The following KLF6 variants were observed in gnomAD, a reference collection of about 807,000 sequenced individuals.
KLF6 encodes the protein Krueppel-like factor 6.
For synonymous variants in KLF6, 152 were observed against 147.9 expected (o/e 1.03, Z -0.20); for missense variants, 233 against 359.8 (o/e 0.65, Z 2.85).
rs761929862 is a variant in KLF6 at position 3,778,969 on chromosome 10, C to A, written c.*570G>T. 1.9e-6 allele frequency: 1 copy of A among 534,672 alleles called. No individual in the cohort carries two copies. Among genetic ancestry groups the A allele is most frequent in the African/African-American group, 1.9e-5 (1 of 53,826 alleles). 33.1% of individuals were successfully genotyped at this position (534,672 alleles called of 1,614,324 possible). A position where few individuals can be genotyped will look rare whatever the true frequency, so the allele number is the denominator to read the frequency against. On this transcript the variant is annotated 3_prime_UTR_variant, in exon 4 of 4. Coordinates refer to ENST00000497571, the MANE Select transcript of KLF6 (RefSeq NM_001300.6). ...AGAGGCTCTCCCTCCCCACACCACT[C>A]GCCACTCTGGGGTCCTGAGTTCCCA... is the stretch of plus-strand genomic sequence containing the variant.
chr10:3,782,310 A>G lies in KLF6; in HGVS notation c.103-96T>C. On this transcript the variant is annotated intron_variant, in intron 1 of 3. Coordinates refer to ENST00000497571, the MANE Select transcript of KLF6 (RefSeq NM_001300.6). The surrounding 1 kb of genome is among the most constrained non-coding windows in gnomAD (Gnocchi z 4.3). ...AAAAACATGCAAGAATGAAGGACAG[A>G]TAACATTGCTGCCCGGTCACTACAG... The G allele has an allele frequency of 6.0e-6, 6 of 993,538 alleles. No homozygotes were observed. The highest frequency in any genetic ancestry group is 4.0e-4 in the Middle Eastern group (2 of 4,940). The allele number at this position is 993,538 out of a possible 1,614,324, so 61.5% of individuals were successfully genotyped here. A position where few individuals can be genotyped will look rare whatever the true frequency, so the allele number is the denominator to read the frequency against.
rs1252399728 is a variant in KLF6, at chr10:3,776,035, T to C, written c.*3504A>G. ...TCTTTTATTTTCTGCCCTCCTTGAC[T>C]GAGAGTGGGCTGAGGTTGTGAGAAC... On this transcript the variant is annotated 3_prime_UTR_variant, in exon 4 of 4. Transcript: ENST00000497571. 2.0e-6 allele frequency: 1 copy of C among 502,176 alleles called. No individual in the cohort carries two copies. Among genetic ancestry groups the C allele is most frequent in the Non-Finnish European group, 4.0e-6 (1 of 252,626 alleles). The allele number at this position is 502,176 out of a possible 1,614,324, so 31.1% of individuals were successfully genotyped here.
At chr10:3,779,688 C>G in intron 3 of KLF6, 98 bp from the exon 4 acceptor site, 1 of 1,102,376 alleles carries the variant, frequency 9.1e-7, no homozygotes, top group Non-Finnish European at 1.4e-6. Context: ...CCCAGCCTAA[C>G]CCCCTGCAGG....
rs369459041 is a variant in KLF6 at position 3,777,691 on chromosome 10, G to A, written c.*1848C>T. Reference sequence around the variant, plus strand: ...ATTTTGAAATATTTCTTCACAGGCTGTGGAATTTTCTAGCTAAACATTCTA... The same window carrying A: ...ATTTTGAAATATTTCTTCACAGGCTATGGAATTTTCTAGCTAAACATTCTA... On this transcript the variant is annotated 3_prime_UTR_variant, in exon 4 of 4. Coordinates refer to ENST00000497571, the MANE Select transcript of KLF6 (RefSeq NM_001300.6). 3.4e-4 allele frequency: 153 copies of A among 450,608 alleles called. 1 individual carries two copies. Among genetic ancestry groups the A allele is most frequent in the South Asian group, 2.5e-3 (146 of 57,478 alleles). 27.9% of individuals were successfully genotyped at this position (450,608 alleles called of 1,614,324 possible). A position where few individuals can be genotyped will look rare whatever the true frequency, so the allele number is the denominator to read the frequency against.
intron 3 of KLF6, 135 bp downstream of exon 3, chr10:3,779,971 A>G: frequency 2.6e-6 from 3 of 1,168,290 alleles, no homozygotes; most frequent in Non-Finnish European, 3.7e-6. Context: ...AAAAAGTCCC[A>G]GGCTTGAAAA....
In KLF6 at chr10:3,780,240, A is replaced by G; in HGVS notation, c.677-11T>C. On this transcript the variant is annotated splice_polypyrimidine_tract_variant and intron_variant, in intron 2 of 3. Coordinates refer to ENST00000497571, the MANE Select transcript of KLF6 (RefSeq NM_001300.6). The surrounding 1 kb of genome is among the most constrained non-coding windows in gnomAD (Gnocchi z 4.6). ...TGTAAGGCTTTTCTCCTGGGGAGAG[A>G]GCACAGGACAAGCAGCCCATGACTT... 3.1e-6 allele frequency: 5 copies of G among 1,613,448 alleles called. No homozygotes were observed. The highest frequency in any genetic ancestry group is 4.2e-6 in the Non-Finnish European group (5 of 1,180,014).
At chr10:3,783,757 G>T (rs1452165234) in intron 1 of KLF6, among the ~76,000 whole-genome samples, 1 of 152,174 alleles carries the variant, frequency 6.6e-6, no homozygotes, top group African/African-American at 2.4e-5. Flanking sequence ...TCTCCATTAC[G>T]CTGATGAGCA....
chr10:3,785,130 G>C lies in KLF6; in HGVS notation c.-116C>G, dbSNP rs773979067. The C allele has an allele frequency of 1.3e-6, 2 of 1,546,510 alleles. No individual in the cohort carries two copies. Among genetic ancestry groups the C allele is most frequent in the African/African-American group, 1.4e-5 (1 of 73,384 alleles). ...AAAGTTTCATGCAAACTCCAGGCTC[G>C]CAGAGACGCCCGGCCGGACCCTCCC... On this transcript the variant is annotated 5_prime_UTR_variant, in exon 1 of 4. Transcript: ENST00000497571.
chr10:3,781,300 A>T lies in KLF6; in HGVS notation c.676+341T>A. 1 of 883,706 alleles carries T rather than the reference A, an allele frequency of 1.1e-6. No homozygotes were observed. Among genetic ancestry groups the T allele is most frequent in the Non-Finnish European group, 1.7e-6 (1 of 600,596 alleles). The allele number at this position is 883,706 out of a possible 1,614,324, so 54.7% of individuals were successfully genotyped here. A position where few individuals can be genotyped will look rare whatever the true frequency, so the allele number is the denominator to read the frequency against. Reference sequence around the variant, plus strand: ...AGGAAACCCCAGGGCCGCTCGAGGTAGCCTCGTGCGAGTGCACTGGTGAAG... The same window carrying T: ...AGGAAACCCCAGGGCCGCTCGAGGTTGCCTCGTGCGAGTGCACTGGTGAAG... On this transcript the variant is annotated intron_variant, in intron 2 of 3. Coordinates refer to ENST00000497571, the MANE Select transcript of KLF6 (RefSeq NM_001300.6). This position sits in a 1 kb window ranked among gnomAD's most constrained non-coding sequence, Gnocchi z 5.8.
Position 3,780,395 on chromosome 10 carries a change from C to T in KLF6, c.677-166G>A, listed in dbSNP as rs1832491277. 5 of 770,216 alleles carry T rather than the reference C, an allele frequency of 6.5e-6. No individual in the cohort carries two copies. Among genetic ancestry groups the T allele is most frequent in the Non-Finnish European group, 1.1e-5 (5 of 446,178 alleles). The allele number at this position is 770,216 out of a possible 1,614,324, so 47.7% of individuals were successfully genotyped here. A position where few individuals can be genotyped will look rare whatever the true frequency, so the allele number is the denominator to read the frequency against. Reference sequence around the variant, plus strand: ...CAGCCTCAGAGAGACAACAGCAGCTCTCTCCTGACCCAGTCTCAGGCCTCC... The same window carrying T: ...CAGCCTCAGAGAGACAACAGCAGCTTTCTCCTGACCCAGTCTCAGGCCTCC... On this transcript the variant is annotated intron_variant, in intron 2 of 3. Coordinates refer to ENST00000497571, the MANE Select transcript of KLF6 (RefSeq NM_001300.6). The surrounding 1 kb of genome is among the most constrained non-coding windows in gnomAD (Gnocchi z 4.6).
At chr10:3,783,554 C>T (rs186491624) in intron 1 of KLF6, among the ~76,000 whole-genome samples, 97 of 152,322 alleles carry the variant, frequency 6.4e-4, no homozygotes, top group African/African-American at 2.2e-3. Flanking sequence ...GGCTCGCACA[C>T]AGCCGGTGGG....
intron 1 of KLF6, among the ~76,000 whole-genome samples, chr10:3,783,952 A>T (rs554559942): frequency 6.6e-6 from 1 of 152,218 alleles, no homozygotes; most frequent in Non-Finnish European, 1.5e-5. Context: ...AAAAGGCAGG[A>T]GAGGACTGTG....
chr10:3,778,025 C>A lies in KLF6; in HGVS notation c.*1514G>T, dbSNP rs1564293363. ...TGTTGTGCAAGGTCTATATGAAAGT[C>A]TCAAGGTGGCAGAATTGGTCAGATT... On this transcript the variant is annotated 3_prime_UTR_variant, in exon 4 of 4. Coordinates refer to ENST00000497571, the MANE Select transcript of KLF6 (RefSeq NM_001300.6). 1 of 509,370 alleles carries A rather than the reference C, an allele frequency of 2.0e-6. No individual in the cohort carries two copies. The highest frequency in any genetic ancestry group is 3.8e-6 in the Non-Finnish European group (1 of 260,612). 31.6% of individuals were successfully genotyped at this position (509,370 alleles called of 1,614,324 possible). A position where few individuals can be genotyped will look rare whatever the true frequency, so the allele number is the denominator to read the frequency against.
At position 3,776,914 on chromosome 10, in the gene KLF6, TG is replaced by T. The variant is rs754053308; in HGVS notation, c.*2624del. 2.3e-5 allele frequency: 12 copies of T among 516,876 alleles called. No homozygotes were observed. Among genetic ancestry groups the T allele is most frequent in the South Asian group, 1.8e-4 (11 of 62,316 alleles). The allele number at this position is 516,876 out of a possible 1,614,324, so 32.0% of individuals were successfully genotyped here. ...ATGTTTCGTAAGTGAGACAAGCCAGTGCAAGTTTTTTTTTTTCCTTTTTTTT... is the reference window on the plus strand; with the variant it reads ...ATGTTTCGTAAGTGAGACAAGCCAGTCAAGTTTTTTTTTTTCCTTTTTTTT... On this transcript the variant is annotated 3_prime_UTR_variant, in exon 4 of 4. Transcript: ENST00000497571.
In KLF6 at chr10:3,780,740, GGCA is replaced by G. The variant is rs1823930372; in HGVS notation, c.677-514_677-512del. On this transcript the variant is annotated intron_variant, in intron 2 of 3. Coordinates refer to ENST00000497571, the MANE Select transcript of KLF6 (RefSeq NM_001300.6). This position sits in a 1 kb window ranked among gnomAD's most constrained non-coding sequence, Gnocchi z 4.6. ...AGGGCCCCGGAATCATTCTCTAAAT[GGCA>G]ATTGAACAACTGGGTTCACTTCATT... 4.8e-6 allele frequency: 1 copy of G among 206,418 alleles called. No individual in the cohort carries two copies. Among genetic ancestry groups the G allele is most frequent in the Admixed American group, 5.2e-5 (1 of 19,186 alleles). The allele number at this position is 206,418 out of a possible 1,614,324, so 12.8% of individuals were successfully genotyped here.
Position 3,785,162 on chromosome 10 carries a change from C to T in KLF6, c.-148G>A, listed in dbSNP as rs934206429. 8 of 1,487,160 alleles carry T rather than the reference C, an allele frequency of 5.4e-6. No homozygotes were observed. In the South Asian group the frequency reaches 6.0e-5, roughly 11 times the overall value. 92.1% of individuals were successfully genotyped at this position (1,487,160 alleles called of 1,614,324 possible). A position where few individuals can be genotyped will look rare whatever the true frequency, so the allele number is the denominator to read the frequency against. The stretch of plus-strand genomic sequence containing the variant: ...CGCCCGGCCGGACCCTCCCGCAGCC[C>T]GCAGCGCGCGGAGCCCACACAATAT... On this transcript the variant is annotated 5_prime_UTR_variant, in exon 1 of 4. Transcript: ENST00000497571.
At position 3,779,475 on chromosome 10, in the gene KLF6, T is replaced by C; in HGVS notation, c.*64A>G. On this transcript the variant is annotated 3_prime_UTR_variant, in exon 4 of 4. Coordinates refer to ENST00000497571, the MANE Select transcript of KLF6 (RefSeq NM_001300.6). ...ATGCTTTGGCTGGAACACGCATCCCTCCTTCCACGGCCGGCTCTCAGCCTG... is the reference window on the plus strand; with the variant it reads ...ATGCTTTGGCTGGAACACGCATCCCCCCTTCCACGGCCGGCTCTCAGCCTG... 13 of 1,390,222 alleles carry C rather than the reference T, an allele frequency of 9.4e-6. No individual in the cohort carries two copies. Among genetic ancestry groups the C allele is most frequent in the Non-Finnish European group, 1.3e-5 (13 of 976,144 alleles). The allele number at this position is 1,390,222 out of a possible 1,614,324, so 86.1% of individuals were successfully genotyped here.
Position 3,776,228 on chromosome 10 carries a change from C to T in KLF6, c.*3311G>A. On this transcript the variant is annotated 3_prime_UTR_variant, in exon 4 of 4. Coordinates refer to ENST00000497571, the MANE Select transcript of KLF6 (RefSeq NM_001300.6). ...GGAAACACTCAAGTTTGTCGTTGTG[C>T]AGGTGCCTCTGCAATGCATTCCCTG... 1.9e-6 allele frequency: 1 copy of T among 532,088 alleles called. No homozygotes were observed. The highest frequency in any genetic ancestry group is 2.2e-5 in the Admixed American group (1 of 44,808). The allele number at this position is 532,088 out of a possible 1,614,324, so 33.0% of individuals were successfully genotyped here.
rs1329183897 is a variant in KLF6 at position 3,777,302 on chromosome 10, CG to C, written c.*2236del. 3.9e-6 allele frequency: 2 copies of C among 514,048 alleles called. No homozygotes were observed. The highest frequency in any genetic ancestry group is 7.6e-6 in the Non-Finnish European group (2 of 263,348). The allele number at this position is 514,048 out of a possible 1,614,324, so 31.8% of individuals were successfully genotyped here. A position where few individuals can be genotyped will look rare whatever the true frequency, so the allele number is the denominator to read the frequency against. ...CTGTCCACGCCGTGGTATGCCAATTCGGGGAAATTACTCCTTGGAAAAACTG... is the reference window on the plus strand; with the variant it reads ...CTGTCCACGCCGTGGTATGCCAATTCGGGAAATTACTCCTTGGAAAAACTG... On this transcript the variant is annotated 3_prime_UTR_variant, in exon 4 of 4. Transcript: ENST00000497571.
Sources: gnomAD v4.1 joint callset for allele counts (sites outside exome capture counted in the v4.1 genomes callset) on GRCh38, gnomAD v4.1.1 for gene constraint, Gnocchi (gnomAD v3.1) non-coding constraint, MANE v1.5 for transcripts, NCBI Gene and HGNC (gene_info 2026-07-23, HGNC 2026-07-21) for gene names.